RANBP2: variants seen among roughly 807,000 people sequenced by gnomAD.
RANBP2 encodes the protein E3 SUMO-protein ligase RanBP2.
In RANBP2, 57 loss-of-function variants were observed where a neutral mutation model predicts 303.6. The ratio of observed to expected loss-of-function variants is 0.19; its 90% CI spans 0.15 to 0.23. The LOEUF (loss-of-function observed/expected upper bound fraction) is 0.23, where lower values mean the gene tolerates loss of function less well. RANBP2 is among the 10% of genes least tolerant of loss of function. RANBP2 has a pLI of 1.00. For missense variants in RANBP2, 3,138 were observed against 3,780.8 expected (o/e 0.83, Z 4.46); for synonymous variants, 1,167 against 1,301.5 (o/e 0.90, Z 2.23).
At chr2:109,690,757 G>T in the RANBP2 span, among the ~76,000 whole-genome samples, 3 of 152,166 alleles carry the variant, frequency 2.0e-5, no homozygotes, top group African/African-American at 7.2e-5. Context: ...AGGGGAATGC[G>T]GGGCAGGGCT....
chr2:108,741,666 C>A (rs1696103764), intron 7 of RANBP2, among the ~76,000 whole-genome samples: 1 of 151,118 alleles, frequency 6.6e-6, no homozygotes, highest in South Asian at 2.1e-4. Flanking sequence ...CCAGCATGCC[C>A]AGCTAATTTT....
the RANBP2 span, among the ~76,000 whole-genome samples, chr2:109,415,651 A>G: frequency 4.0e-4 from 61 of 152,206 alleles, no homozygotes; most frequent in African/African-American, 1.4e-3. Context: ...CCGTGCCCTC[A>G]GACTGAAGAC....
the RANBP2 span, among the ~76,000 whole-genome samples, chr2:108,917,550 A>G: frequency 3.3e-5 from 5 of 152,206 alleles, no homozygotes; most frequent in Non-Finnish European, 7.3e-5. Flanking sequence ...TTATGTATCA[A>G]TTGAAAGAAG....
At chr2:109,638,684 A>T in the RANBP2 span, among the ~76,000 whole-genome samples, 1 of 152,180 alleles carries the variant, frequency 6.6e-6, no homozygotes. Context: ...AAAAACAAAA[A>T]TTGTTTTTGA....
At chr2:109,059,640 A>G in the RANBP2 span, among the ~76,000 whole-genome samples, 1 of 151,286 alleles carries the variant, frequency 6.6e-6, no homozygotes, top group Admixed American at 6.6e-5. Flanking sequence ...CACTCCTGCC[A>G]ACTCCAGCCA....
the RANBP2 span, among the ~76,000 whole-genome samples, chr2:109,244,714 C>T: frequency 6.6e-6 from 1 of 152,158 alleles, no homozygotes; most frequent in Non-Finnish European, 1.5e-5. Flanking sequence ...GAATCACAGC[C>T]TCTAGAGACA....
chr2:108,800,115 A>C, the RANBP2 span, among the ~76,000 whole-genome samples: 1 of 152,060 alleles, frequency 6.6e-6, no homozygotes, highest in African/African-American at 2.4e-5. Context: ...AGGCTTAGTC[A>C]CATTGTTTGG....
chr2:109,196,675 T>G, the RANBP2 span, among the ~76,000 whole-genome samples: 9 of 152,286 alleles, frequency 5.9e-5, no homozygotes, highest in South Asian at 2.1e-4. Context: ...CTGGTTGCAG[T>G]GAGGGGCTGG....
the RANBP2 span, chr2:109,127,994 C>T: frequency 2.6e-5 from 4 of 152,390 alleles, no homozygotes; most frequent in African/African-American, 9.6e-5. Flanking sequence ...CATACAACTT[C>T]ACAAACCACA....
chr2:109,710,992 C>A, the RANBP2 span, among the ~76,000 whole-genome samples: 1 of 151,928 alleles, frequency 6.6e-6, no homozygotes, highest in African/African-American at 2.4e-5. Flanking sequence ...AGGCCTCCTC[C>A]CTATGCCCTC....
the RANBP2 span, among the ~76,000 whole-genome samples, chr2:109,125,506 T>C: frequency 3.3e-5 from 5 of 152,200 alleles, no homozygotes; most frequent in African/African-American, 1.2e-4. Context: ...CACATCGTCA[T>C]TAATTTTTGG....
the RANBP2 span, among the ~76,000 whole-genome samples, chr2:109,121,076 C>T: frequency 0.019 from 2,967 of 152,216 alleles, 96 homozygotes; most frequent in African/African-American, 0.068. Context: ...GAAACCCCGT[C>T]TCTACTAAAA....
the RANBP2 span, among the ~76,000 whole-genome samples, chr2:109,183,826 G>C: frequency 6.6e-6 from 1 of 152,184 alleles, no homozygotes; most frequent in South Asian, 2.1e-4. Flanking sequence ...CCTGTCCAGG[G>C]GCCCCTGCCA....
At chr2:108,844,846 C>G in the RANBP2 span, among the ~76,000 whole-genome samples, 3 of 151,188 alleles carry the variant, frequency 2.0e-5, no homozygotes, top group Non-Finnish European at 4.4e-5. Context: ...CTCCCAGGTT[C>G]AAGCGATTCT....
At chr2:108,843,327 T>G in the RANBP2 span, among the ~76,000 whole-genome samples, 1 of 151,944 alleles carries the variant, frequency 6.6e-6, no homozygotes, top group Admixed American at 6.6e-5. Context: ...CTGTCTACTT[T>G]TTGTATTTTT....
At chr2:109,196,822 G>T in the RANBP2 span, among the ~76,000 whole-genome samples, 1 of 152,132 alleles carries the variant, frequency 6.6e-6, no homozygotes, top group African/African-American at 2.4e-5. Context: ...TGACTCTTTG[G>T]GGCACAACTC....
the RANBP2 span, among the ~76,000 whole-genome samples, chr2:109,658,171 G>A: frequency 2.6e-5 from 4 of 151,924 alleles, no homozygotes; most frequent in African/African-American, 4.8e-5. Flanking sequence ...TAAATCAGCC[G>A]GGGCGGTGGC....
the RANBP2 span, among the ~76,000 whole-genome samples, chr2:109,735,953 A>G: frequency 6.6e-6 from 1 of 152,232 alleles, no homozygotes. Flanking sequence ...TGTTCAACTC[A>G]GTCCACAGAG....
At chr2:108,794,466 CT>C in the RANBP2 span, 4 of 1,338,684 alleles carry the variant, frequency 3.0e-6, no homozygotes, top group Non-Finnish European at 4.1e-6. Context: ...GCATCTCTTC[CT>C]AAAGGTTACT....
Sources: allele counts gnomAD v4.1 joint callset (sites outside exome capture counted in the v4.1 genomes callset), GRCh38; gene constraint gnomAD v4.1.1; transcripts MANE v1.5; gene names NCBI Gene and HGNC (gene_info 2026-07-23, HGNC 2026-07-21).